The following WWP2 variants were observed in gnomAD, a reference collection of about 807,000 sequenced individuals.
WWP2 encodes WW domain containing E3 ubiquitin protein ligase 2.
Under a neutral mutation model 121.0 loss-of-function variants are expected in WWP2, and 57 were observed. The ratio of observed to expected loss-of-function variants is 0.47; its 90% confidence interval spans 0.38 to 0.59. The LOEUF (loss-of-function observed/expected upper bound fraction) is 0.59, where lower values mean the gene tolerates loss of function less well. Ranked by LOEUF, WWP2 falls within the 20% of genes least tolerant of loss-of-function variation. WWP2 has a pLI of 0.00. For synonymous variants in WWP2, 449 were observed against 441.3 expected (o/e 1.02, Z -0.22); for missense variants, 962 against 1,158.9 (o/e 0.83, Z 2.47).
chr16:69,866,270 TTTTATTTATTTATTTATTTATTTATTTA>T (rs56801798), intron 6 of WWP2, among the ~76,000 whole-genome samples: 3 of 147,860 alleles, frequency 2.0e-5, no homozygotes, highest in South Asian at 2.1e-4. Flanking sequence ...AGGTTTCACA[TTTTATTTATTTATTTATTTATTTATTTA>T]TTTATTTATT....
chr16:69,842,156 A>C lies in WWP2; in HGVS notation c.575+36A>C. ...CCTTGGTGAGGACAAAGAGCTAAGA[A>C]GTTGCTTAGAGCTATTGAAAACATG... is the stretch of plus-strand genomic sequence containing the variant. On this transcript the variant is annotated intron_variant, in intron 6 of 23. Transcript: ENST00000359154. 3.1e-6 allele frequency: 5 copies of C among 1,590,462 alleles called. 1 individual carries two copies. The South Asian group carries it at 5.6e-5, about 18-fold the overall frequency.
At chr16:69,821,872 TG>T (rs1256429828) in intron 4 of WWP2, among the ~76,000 whole-genome samples, 2 of 151,862 alleles carry the variant, frequency 1.3e-5, no homozygotes, top group Admixed American at 6.6e-5. Context: ...TTCTTTGTTT[TG>T]TTTTTTTTTT....
intron 8 of WWP2, among the ~76,000 whole-genome samples, chr16:69,901,810 G>C (rs1463495829): frequency 1.3e-5 from 2 of 152,110 alleles, no homozygotes; most frequent in Non-Finnish European, 2.9e-5. Context: ...TGTTAGCCAG[G>C]CGTGGTGGCG....
At chr16:69,789,127 G>A (rs1479349720) in intron 2 of WWP2, among the ~76,000 whole-genome samples, 2 of 151,988 alleles carry the variant, frequency 1.3e-5, no homozygotes, top group East Asian at 1.9e-4. Flanking sequence ...GCGCTGTCTC[G>A]GCTCACTGCA....
At chr16:69,897,100 T>A (rs1355450809) in intron 8 of WWP2, among the ~76,000 whole-genome samples, 1 of 152,024 alleles carries the variant, frequency 6.6e-6, no homozygotes, top group Non-Finnish European at 1.5e-5. Flanking sequence ...CCGTCTTTTT[T>A]TTTTTGTTTG....
At chr16:69,768,239 G>C (rs886896544) in intron 1 of WWP2, among the ~76,000 whole-genome samples, 4 of 152,146 alleles carry the variant, frequency 2.6e-5, no homozygotes, top group East Asian at 3.8e-4. Flanking sequence ...GAAGGTTGCA[G>C]TTCCCTGTTT....
chr16:69,862,109 C>T (rs570530718), intron 6 of WWP2, among the ~76,000 whole-genome samples: 8 of 152,206 alleles, frequency 5.3e-5, no homozygotes, highest in South Asian at 4.2e-4. Context: ...CTTGTTGCCC[C>T]GGCTGGAGTG....
chr16:69,906,142 A>G (rs1597140314), intron 8 of WWP2, among the ~76,000 whole-genome samples: 1 of 149,386 alleles, frequency 6.7e-6, no homozygotes, highest in South Asian at 2.1e-4. Context: ...GTGCGATCTT[A>G]GCTCACTGCA....
In WWP2 at chr16:69,936,348, C is replaced by T. The variant is rs934025922; in HGVS notation, c.2013C>T (p.Tyr671=). 4 of 1,614,032 alleles carry T rather than the reference C, an allele frequency of 2.5e-6. No individual in the cohort carries two copies. The Middle Eastern group carries it at 4.9e-4, about 199-fold the overall frequency. ...TGGAAGAATGTGGCCTGGAGCTGTA[C>T]TTCATCCAGGACATGGAGATACTGG... The part of the protein sequence containing the change: ...NNLEECGLEL[Y]FIQDMEILGK... Residue 671 remains tyrosine, a synonymous_variant, in exon 19 of 24, where the codon TAC becomes TAT. Transcript: ENST00000359154.
intron 7 of WWP2, among the ~76,000 whole-genome samples, chr16:69,880,424 A>G (rs961918955): frequency 1.3e-5 from 2 of 151,910 alleles, no homozygotes; most frequent in Non-Finnish European, 2.9e-5. Context: ...TTTTTCCTCC[A>G]TGATATTCTT....
intron 2 of WWP2, among the ~76,000 whole-genome samples, chr16:69,798,235 C>G (rs982126998): frequency 6.6e-6 from 1 of 152,296 alleles, no homozygotes. Context: ...GAAAGGCATG[C>G]AGATGTATAT....
chr16:69,801,760 T>G (rs1033024982), intron 4 of WWP2, among the ~76,000 whole-genome samples: 10 of 152,120 alleles, frequency 6.6e-5, no homozygotes, highest in Admixed American at 2.0e-4. Flanking sequence ...AATTTTATCT[T>G]TTAAATAATT....
At chr16:69,767,911 C>A (rs898180481) in intron 1 of WWP2, among the ~76,000 whole-genome samples, 1 of 152,202 alleles carries the variant, frequency 6.6e-6, no homozygotes, top group African/African-American at 2.4e-5. Flanking sequence ...GATCATGGCT[C>A]ACTGCAGCCT....
intron 10 of WWP2, among the ~76,000 whole-genome samples, chr16:69,923,428 T>TTA (rs397785683): frequency 1.3e-5 from 2 of 151,822 alleles, no homozygotes; most frequent in African/African-American, 4.8e-5. Context: ...AGATTTTTTT[T>TTA]AAAAGGCAAG....
chr16:69,824,864 G>A (rs757443192), intron 4 of WWP2, among the ~76,000 whole-genome samples: 37 of 146,008 alleles, frequency 2.5e-4, no homozygotes, highest in Non-Finnish European at 4.8e-4. Flanking sequence ...TCCACCTCCC[G>A]GGTTCAAGTG....
At position 69,797,609 on chromosome 16, in the gene WWP2, C is replaced by T. The variant is rs917181002; in HGVS notation, c.71-1073C>T. On this transcript the variant is annotated intron_variant, in intron 2 of 23. Coordinates refer to ENST00000359154, the MANE Select transcript of WWP2 (RefSeq NM_001270454.2). ...ATTTCAGTTAAAATTTATAAATTGG[C>T]CAGGTGCGGTGGCTCACGCCTGTAA... 1.1e-4 allele frequency among the ~76,000 whole-genome samples: 17 copies of T among 152,256 alleles called. 2 individuals are homozygous for T. Among genetic ancestry groups the T allele is most frequent in the East Asian group, 3.9e-4 (2 of 5,170 alleles).
intron 4 of WWP2, among the ~76,000 whole-genome samples, chr16:69,826,675 C>T (rs934084504): frequency 2.1e-5 from 3 of 145,878 alleles, no homozygotes; most frequent in African/African-American, 7.8e-5. Context: ...GTCAGGAGAT[C>T]GAGACCATCC....
intron 8 of WWP2, among the ~76,000 whole-genome samples, chr16:69,905,112 C>T (rs1041302747): frequency 4.6e-5 from 7 of 152,216 alleles, no homozygotes; most frequent in African/African-American, 7.2e-5. Flanking sequence ...ACCTTGCTTC[C>T]GTGTTCAGCC....
At chr16:69,840,394 G>A (rs768297386) in intron 5 of WWP2, 131 bp downstream of exon 5, 68 of 1,229,498 alleles carry the variant, frequency 5.5e-5, no homozygotes, top group Non-Finnish European at 7.3e-5. Flanking sequence ...CCCATAGCTA[G>A]CCCGGACTCT....
Sources: allele counts gnomAD v4.1 joint callset (sites outside exome capture counted in the v4.1 genomes callset), GRCh38; gene constraint gnomAD v4.1.1; transcripts MANE v1.5; gene names NCBI Gene and HGNC (gene_info 2026-07-23, HGNC 2026-07-21).